Variants in PLEKHH2 observed in about 807,000 individuals in gnomAD.
PLEKHH2 encodes pleckstrin homology domain-containing family H member 2.
In PLEKHH2, 129 loss-of-function variants were observed where a neutral mutation model predicts 187.9. The observed-to-expected ratio is 0.69, with a 90% CI of 0.59 to 0.79. The LOEUF (loss-of-function observed/expected upper bound fraction) is 0.79, where lower values mean the gene tolerates loss of function less well. PLEKHH2 is among the 30% of genes least tolerant of loss of function. The probability of loss-of-function intolerance (pLI) is 0.00; values close to 1 mark genes in which losing one functional copy is unlikely to be tolerated. For synonymous variants in PLEKHH2, 686 were observed against 605.6 expected (o/e 1.13, Z -1.95); for missense variants, 2,076 against 1,751.2 (o/e 1.19, Z -3.31).
At chr2:43,715,312 G>C (rs1670163261) in intron 15 of PLEKHH2, among the ~76,000 whole-genome samples, 1 of 152,120 alleles carries the variant, frequency 6.6e-6, no homozygotes, top group Non-Finnish European at 1.5e-5. Context: ...TCTCGAAGCA[G>C]TGCCAGCTGC....
chr2:43,678,825 A>C (rs1259822428), intron 2 of PLEKHH2, 38 bp from the exon 3 acceptor site: 3 of 1,499,156 alleles, frequency 2.0e-6, no homozygotes, highest in Middle Eastern at 2.3e-4. Context: ...ATTTTTCAAA[A>C]ATAAATTTTT....
At chr2:43,703,886 C>T (rs1356399556) in intron 8 of PLEKHH2, 95 bp from the exon 9 acceptor site, 1 of 754,248 alleles carries the variant, frequency 1.3e-6, no homozygotes, top group Non-Finnish European at 2.1e-6. Context: ...AAATGAAGAA[C>T]AAATGAAAAA....
intron 2 of PLEKHH2, among the ~76,000 whole-genome samples, chr2:43,659,827 G>A (rs1315569376): frequency 6.6e-6 from 1 of 151,586 alleles, no homozygotes; most frequent in African/African-American, 2.4e-5. Context: ...CCAAAGTGCT[G>A]GGATTACAGG....
chr2:43,733,818 T>C (rs762360879), intron 19 of PLEKHH2, among the ~76,000 whole-genome samples: 21 of 152,172 alleles, frequency 1.4e-4, no homozygotes, highest in Non-Finnish European at 1.2e-4. Flanking sequence ...TCTACTTTTA[T>C]ACATTTTTAA....
chr2:43,754,030 T>C (rs906707521), intron 25 of PLEKHH2, among the ~76,000 whole-genome samples: 13 of 152,150 alleles, frequency 8.5e-5, no homozygotes, highest in Admixed American at 8.5e-4. Flanking sequence ...AATAAAGGAA[T>C]TGGAGTGTAG....
intron 25 of PLEKHH2, among the ~76,000 whole-genome samples, chr2:43,755,759 G>C (rs1309225463): frequency 1.3e-5 from 2 of 152,144 alleles, no homozygotes; most frequent in Non-Finnish European, 2.9e-5. Context: ...TGCTGGGACT[G>C]TCAGCTGGAG....
chr2:43,726,407 G>A lies in PLEKHH2; in HGVS notation c.2677G>A (p.Asp893Asn), dbSNP rs1317542977. The change falls in exon 17 of 30, where the codon GAC becomes AAC. Residue 893 changes from aspartate (D) to asparagine (N), a missense_variant. Asp to Asn is a conservative substitution (Grantham distance 23). Transcript: ENST00000282406. Reference sequence around the variant, plus strand: ...TTATACTATCGTTATCCATCCCAAAGACCAAGGTCCAACTTACCTCCTAAT... The same window carrying A: ...TTATACTATCGTTATCCATCCCAAAAACCAAGGTCCAACTTACCTCCTAAT... ...THYTIVIHPKDQGPTYLLIGS... is the reference protein window; with the variant it reads ...THYTIVIHPKNQGPTYLLIGS... 6.2e-7 allele frequency: 1 copy of A among 1,612,172 alleles called. No individual in the cohort carries two copies. Among genetic ancestry groups the A allele is most frequent in the Admixed American group, 1.7e-5 (1 of 59,982 alleles).
At chr2:43,710,356 G>A (rs2568245) in intron 13 of PLEKHH2, 26 bp downstream of exon 13, 2 of 1,605,592 alleles carry the variant, frequency 1.2e-6, no homozygotes, top group African/African-American at 2.7e-5. Flanking sequence ...TTTCTGTTTA[G>A]AACGTAATTC....
chr2:43,767,410 A>C lies in PLEKHH2; in HGVS notation c.*1812A>C, dbSNP rs1270568463. On this transcript the variant is annotated 3_prime_UTR_variant, in exon 30 of 30. Coordinates refer to ENST00000282406, the MANE Select transcript of PLEKHH2 (RefSeq NM_172069.4). ...TACTTTATTGATAATGACAAAAAGA[A>C]TATTTTTTAAACCCCATCAAAATAG... 6.6e-6 allele frequency: 1 copy of C among 152,368 alleles called. No individual in the cohort carries two copies. The highest frequency in any genetic ancestry group is 1.5e-5 in the Non-Finnish European group (1 of 68,036). 9.4% of individuals were successfully genotyped at this position (152,368 alleles called of 1,614,324 possible).
At chr2:43,657,597 G>C (rs529266953) in intron 2 of PLEKHH2, among the ~76,000 whole-genome samples, 14 of 152,326 alleles carry the variant, frequency 9.2e-5, no homozygotes, top group South Asian at 4.1e-4. Context: ...TCTTGATGGA[G>C]GACATCCCAT....
At chr2:43,706,945 C>G (rs567854750) in intron 10 of PLEKHH2, among the ~76,000 whole-genome samples, 1 of 152,278 alleles carries the variant, frequency 6.6e-6, no homozygotes, top group South Asian at 2.1e-4. Context: ...CGCCTGTAAT[C>G]CCAGCACTTT....
Position 43,675,707 on chromosome 2 carries a change from C to T in PLEKHH2, c.124-3156C>T, listed in dbSNP as rs1445759263. On this transcript the variant is annotated intron_variant, in intron 2 of 29. Transcript: ENST00000282406. ...AACTTCCAAATCACACTTTGATCTG[C>T]ACAGGTCTCAGAGTTATCGAGAAGT... 4 of 1,613,870 alleles carry T rather than the reference C, an allele frequency of 2.5e-6. No homozygotes were observed. In the East Asian group the frequency reaches 8.9e-5, roughly 36 times the overall value.
chr2:43,701,503 G>C (rs1482412943), intron 8 of PLEKHH2, among the ~76,000 whole-genome samples: 1 of 152,138 alleles, frequency 6.6e-6, no homozygotes, highest in Non-Finnish European at 1.5e-5. Flanking sequence ...GATATTTTGG[G>C]TGAATTCTGA....
At chr2:43,647,704 T>G (rs1666249030) in intron 2 of PLEKHH2, among the ~76,000 whole-genome samples, 1 of 152,188 alleles carries the variant, frequency 6.6e-6, no homozygotes, top group Non-Finnish European at 1.5e-5. Context: ...TTTGGTTTTG[T>G]GTTAGCACCA....
intron 23 of PLEKHH2, among the ~76,000 whole-genome samples, chr2:43,745,662 T>C (rs889065643): frequency 6.6e-6 from 1 of 152,240 alleles, no homozygotes; most frequent in Non-Finnish European, 1.5e-5. Context: ...CCAAAGTTAA[T>C]GTGTGTCCAA....
rs1352840475 is a variant in PLEKHH2, at chr2:43,726,397, C to G, written c.2667C>G (p.Ile889Met). Residue 889 changes from isoleucine (I) to methionine (M), a missense_variant, in exon 17 of 30, where the codon ATC (isoleucine) becomes ATG (methionine). Transcript: ENST00000282406. ...TATCCACACATTATACTATCGTTATCCATCCCAAAGACCAAGGTCCAACTT... is the reference window on the plus strand; with the variant it reads ...TATCCACACATTATACTATCGTTATGCATCCCAAAGACCAAGGTCCAACTT... ...SLLSTHYTIV[I>M]HPKDQGPTYL... is the part of the protein sequence containing the mutation. 8 of 1,611,612 alleles carry G rather than the reference C, an allele frequency of 5.0e-6. No individual in the cohort carries two copies. The highest frequency in any genetic ancestry group is 1.7e-5 in the Admixed American group (1 of 59,976).
chr2:43,742,944 T>C, intron 22 of PLEKHH2, 26 bp downstream of exon 22: 2 of 1,456,234 alleles, frequency 1.4e-6, no homozygotes, highest in South Asian at 3.0e-5. Flanking sequence ...AAAATATGCT[T>C]AGCCAACAAT....
intron 19 of PLEKHH2, among the ~76,000 whole-genome samples, chr2:43,735,968 G>T (rs1671270302): frequency 6.6e-6 from 1 of 152,014 alleles, no homozygotes; most frequent in Admixed American, 6.5e-5. Context: ...AGAAATTTTA[G>T]AAACATTTCC....
Position 43,650,831 on chromosome 2 carries a change from G to A in PLEKHH2, c.123+6035G>A, listed in dbSNP as rs192003398. 4.7e-3 allele frequency among the ~76,000 whole-genome samples: 716 copies of A among 151,828 alleles called. 6 individuals are homozygous for A. Among genetic ancestry groups the A allele is most frequent in the African/African-American group, 0.017 (692 of 41,382 alleles). On this transcript the variant is annotated intron_variant, in intron 2 of 29. Transcript: ENST00000282406. ...TGGCTAATTTTTTGTATTTTTAGTA[G>A]AGACGGGGTTTCACTATGTTGGCCA...
Sources: allele counts gnomAD v4.1 joint callset (sites outside exome capture counted in the v4.1 genomes callset), GRCh38; gene constraint gnomAD v4.1.1; transcripts MANE v1.5; gene names NCBI Gene and HGNC (gene_info 2026-07-23, HGNC 2026-07-21).